Variants in LRRFIP1 observed in about 807,000 individuals in gnomAD.
LRRFIP1 encodes LRR binding FLII interacting protein 1.
In LRRFIP1, 62 loss-of-function variants were observed where a neutral mutation model predicts 104.4. The observed-to-expected ratio is 0.59, with a 90% CI of 0.48 to 0.73. The LOEUF is 0.73. LRRFIP1 is among the 30% of genes least tolerant of loss of function. LRRFIP1 has a pLI of 0.00. For missense variants in LRRFIP1, 796 were observed against 824.5 expected (o/e 0.97, Z 0.42); for synonymous variants, 300 against 299.0 (o/e 1.00, Z -0.03).
chr2:237,719,905 C>G (rs1462000105), intron 5 of LRRFIP1, among the ~76,000 whole-genome samples: 1 of 151,116 alleles, frequency 6.6e-6, no homozygotes, highest in Non-Finnish European at 1.5e-5. Context: ...ATTTATATTA[C>G]CCGTGAGATA....
At chr2:237,698,552 G>A (rs1221839826) in intron 1 of LRRFIP1, among the ~76,000 whole-genome samples, 2 of 152,230 alleles carry the variant, frequency 1.3e-5, no homozygotes, top group Admixed American at 1.3e-4. Context: ...GGGGCCTGTG[G>A]GCCCGGCCAG....
intron 7 of LRRFIP1, among the ~76,000 whole-genome samples, chr2:237,726,837 A>G (rs926451195): frequency 1.1e-4 from 17 of 152,208 alleles, no homozygotes; most frequent in African/African-American, 3.9e-4. Flanking sequence ...TAGAAAGCCC[A>G]TGCTTTGACT....
At chr2:237,656,935 A>G (rs1288584655) in intron 1 of LRRFIP1, among the ~76,000 whole-genome samples, 1 of 152,272 alleles carries the variant, frequency 6.6e-6, no homozygotes, top group Non-Finnish European at 1.5e-5. Flanking sequence ...GGAATTTTAC[A>G]ATGTTACGAA....
rs1041526543 is a variant in LRRFIP1, at chr2:237,728,926, A to C, written c.444+991A>C. Among the ~76,000 whole-genome samples, 18 of 151,922 alleles carry C rather than the reference A, an allele frequency of 1.2e-4. No individual in the cohort carries two copies. In the East Asian group the frequency reaches 1.7e-3, roughly 15 times the overall value. On this transcript the variant is annotated intron_variant, in intron 8 of 23. Transcript: ENST00000308482. ...ACCTATTTAGCATTGCATGCACTTT[A>C]ATTATTTATTTTTTGAGACAAAGTC...
At chr2:237,681,697 T>TTTTTTTTTTTTTTTTTGG (rs1161155692) in intron 1 of LRRFIP1, among the ~76,000 whole-genome samples, 1 of 107,854 alleles carries the variant, frequency 9.3e-6, no homozygotes, top group Non-Finnish European at 2.0e-5. Context: ...TTTTTTTTTT[T>TTTTTTTTTTTTTTTTTGG]GAGACGGAGT....
chr2:237,769,792 G>A (rs551530078), intron 19 of LRRFIP1, 151 bp from the exon 20 acceptor site: 24 of 663,640 alleles, frequency 3.6e-5, no homozygotes, highest in African/African-American at 5.4e-5. Flanking sequence ...CATTCACCCC[G>A]TCCTGTCTGT....
rs78046160 is a variant in LRRFIP1 at position 237,675,239 on chromosome 2, G to T, written c.97-33305G>T. ...TGAGATGACGCCTCTGTGGTATGAG[G>T]CCTCCTTTGCTTTTTCGGCCAAGCA... On this transcript the variant is annotated intron_variant, in intron 1 of 23. Coordinates refer to ENST00000308482, the MANE Select transcript of LRRFIP1 (RefSeq NM_001137550.2). Among the ~76,000 whole-genome samples the T allele has an allele frequency of 8.1e-3, 1,230 of 152,278 alleles. 15 individuals carry two copies. The highest frequency in any genetic ancestry group is 0.028 in the African/African-American group (1,149 of 41,548).
intron 1 of LRRFIP1, among the ~76,000 whole-genome samples, chr2:237,668,631 C>T (rs2089885225): frequency 6.6e-6 from 1 of 152,122 alleles, no homozygotes. Context: ...CCTCAGTTCC[C>T]CCTCCTCCAG....
In LRRFIP1 at chr2:237,635,862, G is replaced by T. The variant is rs373254630; in HGVS notation, c.96+8122G>T. ...ACCTGTAATTCCAACAATTTGGGAGGGCAGTGAGTGGATCACTTGAGCTCA... is the reference window on the plus strand; with the variant it reads ...ACCTGTAATTCCAACAATTTGGGAGTGCAGTGAGTGGATCACTTGAGCTCA... On this transcript the variant is annotated intron_variant, in intron 1 of 23. Coordinates refer to ENST00000308482, the MANE Select transcript of LRRFIP1 (RefSeq NM_001137550.2). Among the ~76,000 whole-genome samples the T allele has an allele frequency of 1.7e-3, 264 of 152,104 alleles. 1 individual carries two copies. Among genetic ancestry groups the T allele is most frequent in the African/African-American group, 4.6e-3 (191 of 41,490 alleles).
At chr2:237,760,896 T>C (rs1265677274) in intron 19 of LRRFIP1, among the ~76,000 whole-genome samples, 4 of 152,192 alleles carry the variant, frequency 2.6e-5, no homozygotes, top group Non-Finnish European at 4.4e-5. Flanking sequence ...GAATATTTTA[T>C]ACCATTTTCA....
At chr2:237,629,517 G>A (rs1377046459) in intron 1 of LRRFIP1, among the ~76,000 whole-genome samples, 4 of 145,692 alleles carry the variant, frequency 2.7e-5, no homozygotes, top group Admixed American at 2.1e-4. Flanking sequence ...TGTTGCCCAG[G>A]CTGGAGTACA....
At chr2:237,720,257 T>C (rs1461560136) in intron 5 of LRRFIP1, among the ~76,000 whole-genome samples, 3 of 150,344 alleles carry the variant, frequency 2.0e-5, no homozygotes, top group South Asian at 2.1e-4. Flanking sequence ...CTGAAATTAC[T>C]TTTTTTTTGA....
chr2:237,678,868 C>G (rs1449063283), intron 1 of LRRFIP1, among the ~76,000 whole-genome samples: 1 of 152,122 alleles, frequency 6.6e-6, no homozygotes, highest in African/African-American at 2.4e-5. Flanking sequence ...ACTTACATCT[C>G]TAGTATTGTA....
At chr2:237,700,007 A>G (rs543054059) in intron 1 of LRRFIP1, among the ~76,000 whole-genome samples, 7 of 152,298 alleles carry the variant, frequency 4.6e-5, no homozygotes, top group African/African-American at 1.4e-4. Context: ...TCTGGGGGAC[A>G]TGGGGTGGTG....
At chr2:237,750,291 CT>C (rs989904033) in intron 13 of LRRFIP1, among the ~76,000 whole-genome samples, 7 of 143,462 alleles carry the variant, frequency 4.9e-5, no homozygotes, top group Admixed American at 1.4e-4. Flanking sequence ...TGTTGCTTCC[CT>C]TTTTTTTTCC....
intron 1 of LRRFIP1, among the ~76,000 whole-genome samples, chr2:237,671,499 C>T (rs933650005): frequency 2.0e-5 from 3 of 152,156 alleles, no homozygotes; most frequent in African/African-American, 7.2e-5. Context: ...TGTAACAATA[C>T]ATTTCATGTC....
chr2:237,677,898 A>G (rs2091350704), intron 1 of LRRFIP1, among the ~76,000 whole-genome samples: 1 of 152,210 alleles, frequency 6.6e-6, no homozygotes, highest in African/African-American at 2.4e-5. Context: ...TTCTAAATGT[A>G]GGGCATATAT....
chr2:237,668,321 C>CCTCT (rs2089809812), intron 1 of LRRFIP1, among the ~76,000 whole-genome samples: 2 of 152,146 alleles, frequency 1.3e-5, no homozygotes, highest in Admixed American at 6.5e-5. Flanking sequence ...AAAACAGCAG[C>CCTCT]CTCTCTCCCC....
At chr2:237,630,118 C>T (rs1180983258) in intron 1 of LRRFIP1, among the ~76,000 whole-genome samples, 1 of 152,200 alleles carries the variant, frequency 6.6e-6, no homozygotes, top group Non-Finnish European at 1.5e-5. Context: ...CCCGGTAAAA[C>T]CCAGCCGTAG....
Sources: gnomAD v4.1 joint callset for allele counts (sites outside exome capture counted in the v4.1 genomes callset) on GRCh38, gnomAD v4.1.1 for gene constraint, MANE v1.5 for transcripts, NCBI Gene and HGNC (gene_info 2026-07-23, HGNC 2026-07-21) for gene names.